The following ZDHHC7 variants were observed in gnomAD, a reference collection of about 807,000 sequenced individuals.
ZDHHC7 encodes the protein zDHHC palmitoyltransferase 7.
ZDHHC7 carries 12 observed loss-of-function variants against 34.1 expected under a neutral mutation model. That is an observed-to-expected ratio of 0.35 (90% CI 0.23 to 0.57). The LOEUF (loss-of-function observed/expected upper bound fraction) is 0.57, where lower values mean the gene tolerates loss of function less well. Ranked by LOEUF, ZDHHC7 falls within the 20% of genes least tolerant of loss-of-function variation. The probability of loss-of-function intolerance (pLI) is 0.84; values close to 1 mark genes in which losing one functional copy is unlikely to be tolerated. For synonymous variants in ZDHHC7, 185 were observed against 155.4 expected (o/e 1.19, Z -1.42); for missense variants, 388 against 402.7 (o/e 0.96, Z 0.31).
the ZDHHC7 span, among the ~76,000 whole-genome samples, chr16:85,017,084 G>C: frequency 2.0e-5 from 3 of 152,092 alleles, no homozygotes; most frequent in African/African-American, 7.2e-5. Context: ...GGGATTACAG[G>C]CATGAGCCAC....
chr16:84,995,816 G>C (rs561221191), intron 2 of ZDHHC7, 106 bp downstream of exon 2: 3 of 152,176 alleles, frequency 2.0e-5, no homozygotes, highest in African/African-American at 7.2e-5. Context: ...TTGGCACCAC[G>C]CCTCTGCTTT....
chr16:84,977,369 G>T (rs563345616), intron 6 of ZDHHC7, 144 bp from the exon 7 acceptor site: 2 of 1,068,780 alleles, frequency 1.9e-6, no homozygotes, highest in African/African-American at 1.6e-5. Context: ...CACATTCATT[G>T]TTCTCCAAGG....
chr16:85,017,009 T>C, the ZDHHC7 span, among the ~76,000 whole-genome samples: 1 of 151,728 alleles, frequency 6.6e-6, no homozygotes, highest in African/African-American at 2.4e-5. Flanking sequence ...TGGTGTGATC[T>C]TGGCTCATTG....
intron 1 of ZDHHC7, among the ~76,000 whole-genome samples, chr16:85,007,786 T>A (rs1014043451): frequency 2.0e-5 from 3 of 151,988 alleles, no homozygotes; most frequent in Non-Finnish European, 4.4e-5. Flanking sequence ...CAAAGCACAG[T>A]AGTATACAGG....
rs1391006690 is a variant in ZDHHC7 at position 84,979,263 on chromosome 16, T to C, written c.463A>G (p.Lys155Glu). ...ACCCACGGGCAGTGATGATCCATTT[T>C]CCGAATACATCTTTTGCAAATACTG... ...HCSICKRCIR[K>E]MDHHCPWVNN... The change falls in exon 5 of 8, where the codon AAA becomes GAA. Residue 155 changes from lysine (K) to glutamate (E), a missense_variant. Lys to Glu is a moderately conservative substitution (Grantham distance 56). Coordinates refer to ENST00000313732, the MANE Select transcript of ZDHHC7 (RefSeq NM_017740.3). The C allele has an allele frequency of 2.5e-6, 4 of 1,609,634 alleles. No homozygotes were observed. The highest frequency in any genetic ancestry group is 3.4e-6 in the Non-Finnish European group (4 of 1,179,328).
chr16:84,977,024 G>A, intron 7 of ZDHHC7, 71 bp downstream of exon 7: 1 of 1,578,946 alleles, frequency 6.3e-7, no homozygotes, highest in Non-Finnish European at 8.6e-7. Flanking sequence ...ACCTATTGTT[G>A]ACATTAGGAC....
intron 1 of ZDHHC7, among the ~76,000 whole-genome samples, chr16:85,001,655 A>C (rs1258597522): frequency 6.6e-6 from 1 of 152,118 alleles, no homozygotes; most frequent in Non-Finnish European, 1.5e-5. Flanking sequence ...GCATCCACAC[A>C]TATATTTACT....
chr16:84,996,788 G>A (rs2072584102), intron 1 of ZDHHC7, among the ~76,000 whole-genome samples: 1 of 152,112 alleles, frequency 6.6e-6, no homozygotes, highest in Non-Finnish European at 1.5e-5. Context: ...CAGCACTTTG[G>A]GAGGCTGAGG....
chr16:84,997,820 G>A (rs1309122109), intron 1 of ZDHHC7, among the ~76,000 whole-genome samples: 2 of 146,996 alleles, frequency 1.4e-5, no homozygotes, highest in Non-Finnish European at 3.0e-5. Context: ...ATGAACCCGG[G>A]ATGCGGAGCT....
At chr16:85,020,814 G>T in the ZDHHC7 span, among the ~76,000 whole-genome samples, 5 of 152,246 alleles carry the variant, frequency 3.3e-5, no homozygotes, top group East Asian at 9.7e-4. Context: ...GTTTTTAAAG[G>T]TCACTCCAGG....
the ZDHHC7 span, among the ~76,000 whole-genome samples, chr16:85,021,294 C>T: frequency 6.6e-6 from 1 of 151,268 alleles, no homozygotes; most frequent in Non-Finnish European, 1.5e-5. Context: ...CACCTTTAGT[C>T]CCAGCTATTC....
the ZDHHC7 span, among the ~76,000 whole-genome samples, chr16:85,020,607 C>T: frequency 6.6e-6 from 1 of 151,890 alleles, no homozygotes; most frequent in Non-Finnish European, 1.5e-5. Flanking sequence ...GACACGCAGG[C>T]AGGTCCTACA....
At chr16:85,024,335 G>T in the ZDHHC7 span, among the ~76,000 whole-genome samples, 1 of 148,952 alleles carries the variant, frequency 6.7e-6, no homozygotes, top group African/African-American at 2.5e-5. Context: ...AGGTTCAAGT[G>T]ATTCTCCTGC....
At chr16:84,986,953 C>A (rs2143613589) in intron 3 of ZDHHC7, among the ~76,000 whole-genome samples, 1 of 152,290 alleles carries the variant, frequency 6.6e-6, no homozygotes, top group South Asian at 2.1e-4. Flanking sequence ...GACACCTGAC[C>A]CTGCTGGGCC....
At chr16:84,989,938 A>G (rs530299031) in intron 3 of ZDHHC7, among the ~76,000 whole-genome samples, 1 of 152,226 alleles carries the variant, frequency 6.6e-6, no homozygotes, top group South Asian at 2.1e-4. Context: ...GCTCTGTGGG[A>G]AGCCTGGAAC....
the ZDHHC7 span, among the ~76,000 whole-genome samples, chr16:85,020,816 C>A: frequency 2.0e-5 from 3 of 152,222 alleles, no homozygotes; most frequent in East Asian, 5.8e-4. Context: ...TTTTAAAGGT[C>A]ACTCCAGGCC....
At chr16:84,990,801 G>C (rs1446681063) in intron 2 of ZDHHC7, among the ~76,000 whole-genome samples, 166 bp from the exon 3 acceptor site, 1 of 152,176 alleles carries the variant, frequency 6.6e-6, no homozygotes, top group African/African-American at 2.4e-5. Flanking sequence ...TTAAATCTCT[G>C]ACTTGATTGA....
intron 6 of ZDHHC7, 115 bp from the exon 7 acceptor site, chr16:84,977,340 T>C: frequency 7.2e-7 from 1 of 1,380,336 alleles, no homozygotes; most frequent in Non-Finnish European, 9.9e-7. Context: ...AGGGGGAAGT[T>C]GTTCACTTTC....
chr16:84,981,912 G>A lies in ZDHHC7; in HGVS notation c.398C>T (p.Pro133Leu). The A allele has an allele frequency of 6.2e-7, 1 of 1,614,116 alleles. No individual in the cohort carries two copies. Among genetic ancestry groups the A allele is most frequent in the Non-Finnish European group, 8.5e-7 (1 of 1,180,026 alleles). ...LKPGEVIYKC[P>L]KCCCIKPERA... Reference sequence around the variant, plus strand: ...CTCGGGTTTAATACAGCAGCACTTGGGGCACTTGTAGATGACTTCCCCGGG... The same window carrying A: ...CTCGGGTTTAATACAGCAGCACTTGAGGCACTTGTAGATGACTTCCCCGGG... Residue 133 changes from proline to leucine, a missense_variant, in exon 4 of 8, where the codon CCC (proline) becomes CTC (leucine). Transcript: ENST00000313732.
Sources: gnomAD v4.1 joint callset for allele counts (sites outside exome capture counted in the v4.1 genomes callset) on GRCh38, gnomAD v4.1.1 for gene constraint, MANE v1.5 for transcripts, NCBI Gene and HGNC (gene_info 2026-07-23, HGNC 2026-07-21) for gene names.